The following LPP variants were observed in gnomAD, a reference collection of about 807,000 sequenced individuals.
The protein encoded by LPP is lipoma-preferred partner.
A neutral mutation model predicts 60.4 loss-of-function variants in LPP; 38 were observed. The observed-to-expected ratio is 0.63, with a 90% CI of 0.49 to 0.83. LPP has a LOEUF of 0.83. LPP is among the 40% of genes least tolerant of loss of function. LPP has a pLI of 0.00. For synonymous variants in LPP, 328 were observed against 290.8 expected (o/e 1.13, Z -1.30); for missense variants, 902 against 783.6 (o/e 1.15, Z -1.80).
At chr3:188,296,548 C>T (rs1437426263) in intron 2 of LPP, among the ~76,000 whole-genome samples, 6 of 152,182 alleles carry the variant, frequency 3.9e-5, no homozygotes, top group African/African-American at 1.4e-4. Context: ...CTGCCTTAGT[C>T]ACCAAGTCCT....
At chr3:188,568,597 T>C (rs749860468) in intron 6 of LPP, 2 of 151,900 alleles carry the variant, frequency 1.3e-5, no homozygotes, top group African/African-American at 2.4e-5. Context: ...TCTGGAAGCA[T>C]ATTCAGGGAC....
chr3:188,816,698 C>T (rs192567659), intron 9 of LPP, among the ~76,000 whole-genome samples: 2 of 152,302 alleles, frequency 1.3e-5, no homozygotes, highest in Admixed American at 1.3e-4. Context: ...TATTTAGATT[C>T]AGTGCCAAAG....
At chr3:188,858,893 C>T (rs1764479877) in intron 9 of LPP, among the ~76,000 whole-genome samples, 1 of 151,944 alleles carries the variant, frequency 6.6e-6, no homozygotes, top group African/African-American at 2.4e-5. Flanking sequence ...AGTTCAAGAC[C>T]AGCCTGGCCA....
chr3:188,189,464 G>A (rs1003305572), intron 1 of LPP, among the ~76,000 whole-genome samples: 1 of 152,192 alleles, frequency 6.6e-6, no homozygotes, highest in East Asian at 1.9e-4. Context: ...TTGGGGCCAC[G>A]CTGTGGTTTC....
rs564949018 is a variant in LPP at position 188,773,028 on chromosome 3, G to A, written c.1410+12746G>A. 1.6e-4 allele frequency among the ~76,000 whole-genome samples: 25 copies of A among 152,240 alleles called. No homozygotes were observed. In the East Asian group the frequency reaches 3.3e-3, roughly 20 times the overall value. ...GAAAGATGTGAGAGTGAAGCCAGCT[G>A]TCTAGCTTCCAGCCGTAGAATGATC... is the stretch of plus-strand genomic sequence containing the variant. On this transcript the variant is annotated intron_variant, in intron 9 of 11. Coordinates refer to ENST00000617246, the MANE Select transcript of LPP (RefSeq NM_001375462.1).
rs77984128 is a variant in LPP at position 188,235,187 on chromosome 3, G to T, written c.-67+9660G>T. On this transcript the variant is annotated intron_variant, in intron 2 of 11. Coordinates refer to ENST00000617246, the MANE Select transcript of LPP (RefSeq NM_001375462.1). ...AGAGCAGAGCAGGTGGTGCTGTCCTGGGTCTCTGCTGTGGAACGGGTGCAA... is the reference window on the plus strand; with the variant it reads ...AGAGCAGAGCAGGTGGTGCTGTCCTTGGTCTCTGCTGTGGAACGGGTGCAA... 3.5e-3 allele frequency among the ~76,000 whole-genome samples: 530 copies of T among 152,318 alleles called. 2 individuals carry two copies. Among genetic ancestry groups the T allele is most frequent in the Non-Finnish European group, 6.0e-3 (406 of 68,030 alleles).
chr3:188,330,003 C>T (rs1299041796), intron 2 of LPP, among the ~76,000 whole-genome samples: 3 of 152,142 alleles, frequency 2.0e-5, no homozygotes, highest in African/African-American at 7.2e-5. Flanking sequence ...CAATTATTCT[C>T]TATTAAAGTT....
chr3:188,727,766 G>A (rs1010642555), intron 8 of LPP, among the ~76,000 whole-genome samples: 7 of 151,990 alleles, frequency 4.6e-5, no homozygotes, highest in African/African-American at 4.8e-5. Context: ...ATTCATATCC[G>A]GATTTTTCAG....
intron 4 of LPP, among the ~76,000 whole-genome samples, chr3:188,449,008 A>G (rs1019776747): frequency 6.6e-6 from 1 of 152,268 alleles, no homozygotes; most frequent in Non-Finnish European, 1.5e-5. Context: ...ATACTAAGAT[A>G]GCAAAAAATA....
intron 1 of LPP, among the ~76,000 whole-genome samples, chr3:188,156,846 G>GCCC (rs199686814): frequency 1.7e-4 from 25 of 146,362 alleles, no homozygotes; most frequent in Admixed American, 5.6e-4. Flanking sequence ...CCTCTGCTGC[G>GCCC]CCCCACCCCC....
chr3:188,594,412 T>A (rs1839580432), intron 6 of LPP, among the ~76,000 whole-genome samples: 1 of 152,176 alleles, frequency 6.6e-6, no homozygotes, highest in African/African-American at 2.4e-5. Context: ...AAAAAATGAA[T>A]GGGTTGCAGT....
intron 3 of LPP, among the ~76,000 whole-genome samples, chr3:188,384,102 A>T (rs559077296): frequency 3.3e-4 from 50 of 152,278 alleles, no homozygotes; most frequent in South Asian, 4.1e-4. Context: ...TTTAATTCTC[A>T]TCCTCTCTGA....
intron 1 of LPP, among the ~76,000 whole-genome samples, chr3:188,163,844 G>A (rs987216488): frequency 1.5e-4 from 22 of 151,296 alleles, no homozygotes; most frequent in East Asian, 3.9e-4. Context: ...CCAGCTACTC[G>A]GGAGGCTGAG....
At chr3:188,793,472 A>T (rs1243585633) in intron 9 of LPP, among the ~76,000 whole-genome samples, 1 of 152,046 alleles carries the variant, frequency 6.6e-6, no homozygotes, top group Non-Finnish European at 1.5e-5. Context: ...ATGAGCCACC[A>T]TGCCCGGCCA....
chr3:188,675,446 CTG>C (rs1423633495), intron 7 of LPP, among the ~76,000 whole-genome samples: 3 of 152,192 alleles, frequency 2.0e-5, no homozygotes, highest in Non-Finnish European at 4.4e-5. Context: ...GGGGCTAAGA[CTG>C]TGAATAGCTC....
At chr3:188,459,608 G>A (rs1224443432) in intron 4 of LPP, among the ~76,000 whole-genome samples, 1 of 151,992 alleles carries the variant, frequency 6.6e-6, no homozygotes, top group Non-Finnish European at 1.5e-5. Flanking sequence ...TGTTTTATTA[G>A]TACTCCTACT....
At chr3:188,165,392 G>A (rs544468459) in intron 1 of LPP, among the ~76,000 whole-genome samples, 1 of 152,246 alleles carries the variant, frequency 6.6e-6, no homozygotes, top group South Asian at 2.1e-4. Context: ...GTGGGAATTT[G>A]TTTGGTGGGA....
Position 188,471,598 on chromosome 3 carries a change from G to A in LPP, c.194-12994G>A, listed in dbSNP as rs553623369. On this transcript the variant is annotated intron_variant, in intron 4 of 11. Coordinates refer to ENST00000617246, the MANE Select transcript of LPP (RefSeq NM_001375462.1). Reference sequence around the variant, plus strand: ...AATAGAAAAATAGAGCACACAAGAGGAGGTTAGCAGGTCTGTGGGTTATCC... The same window carrying A: ...AATAGAAAAATAGAGCACACAAGAGAAGGTTAGCAGGTCTGTGGGTTATCC... Among the ~76,000 whole-genome samples, 7 of 152,302 alleles carry A rather than the reference G, an allele frequency of 4.6e-5. No homozygotes were observed. In the East Asian group the frequency reaches 1.3e-3, roughly 29 times the overall value.
rs189112280 is a variant in LPP at position 188,187,683 on chromosome 3, C to T, written c.-190+33431C>T. The stretch of plus-strand genomic sequence containing the variant: ...GGGCTATAATTTCTTACGCAGTTTC[C>T]CCCTCTTCCCTCCCACAAAGTTTCT... On this transcript the variant is annotated intron_variant, in intron 1 of 11. Coordinates refer to ENST00000617246, the MANE Select transcript of LPP (RefSeq NM_001375462.1). Among the ~76,000 whole-genome samples, 165 of 151,998 alleles carry T rather than the reference C, an allele frequency of 1.1e-3. 1 individual carries two copies. Among genetic ancestry groups the T allele is most frequent in the Admixed American group, 2.4e-3 (36 of 15,262 alleles).
Sources: gnomAD v4.1 joint callset for allele counts (sites outside exome capture counted in the v4.1 genomes callset) on GRCh38, gnomAD v4.1.1 for gene constraint, MANE v1.5 for transcripts, NCBI Gene and HGNC (gene_info 2026-07-23, HGNC 2026-07-21) for gene names.